BRCC3: variants seen among roughly 807,000 people sequenced by gnomAD.
BRCC3 encodes BRCA1/BRCA2-containing complex subunit 3.
Under a neutral mutation model 28.0 loss-of-function variants are expected in BRCC3, and 15 were observed. The ratio of observed to expected loss-of-function variants is 0.54; its 90% confidence interval spans 0.36 to 0.82. BRCC3 has a LOEUF of 0.82. Among genes scored for constraint, BRCC3 ranks in the 40% least tolerant of loss-of-function variants. The pLI is 0.01. For missense variants in BRCC3, 109 were observed against 225.9 expected (o/e 0.48, Z 3.32); for synonymous variants, 66 against 80.3 (o/e 0.82, Z 0.95).
chrX:155,090,767 C>CT lies in BRCC3; in HGVS notation c.493-11dup. 1 of 1,168,407 alleles carries CT rather than the reference C, an allele frequency of 8.6e-7. No homozygotes were observed. Among genetic ancestry groups the CT allele is most frequent in the African/African-American group, 1.8e-5 (1 of 56,787 alleles). On this transcript the variant is annotated splice_polypyrimidine_tract_variant and intron_variant, in intron 6 of 10. Transcript: ENST00000330045. ...TTCTTTGTGTGATATTTCTTTCTTT[C>CT]TTTTTTCCTTTGATAGACTGGCCGG...
chrX:155,085,711 C>T (rs2074118934), intron 5 of BRCC3, among the ~76,000 whole-genome samples: 1 of 112,295 alleles, frequency 8.9e-6, no homozygotes, highest in African/African-American at 3.2e-5. Flanking sequence ...AGGATAATGT[C>T]ACCAGAAAGT....
intron 7 of BRCC3, among the ~76,000 whole-genome samples, chrX:155,110,550 T>C (rs782308519): frequency 1.5e-4 from 17 of 110,543 alleles, no homozygotes; most frequent in African/African-American, 5.6e-4. Flanking sequence ...CTTACATTAG[T>C]AATTTTTGTG....
At chrX:155,084,508 A>G (rs1814186) in intron 5 of BRCC3, among the ~76,000 whole-genome samples, 38 of 111,630 alleles carry the variant, frequency 3.4e-4, no homozygotes, top group African/African-American at 1.0e-3. Flanking sequence ...GACTACAGGC[A>G]TCCGCCACCA....
chrX:155,073,842 A>T (rs1054108799), intron 3 of BRCC3, among the ~76,000 whole-genome samples: 2 of 111,274 alleles, frequency 1.8e-5, no homozygotes, highest in Non-Finnish European at 3.8e-5. Context: ...GTCTGCCTTG[A>T]CTTTTTTCCT....
At chrX:155,099,400 A>G (rs781786113) in intron 7 of BRCC3, 1 of 1,206,059 alleles carries the variant, frequency 8.3e-7, no homozygotes, top group Non-Finnish European at 1.1e-6. Flanking sequence ...GTAGGAGGGC[A>G]AAAAGGGGCC....
chrX:155,082,605 A>G (rs1326670827), intron 5 of BRCC3, among the ~76,000 whole-genome samples: 2 of 112,479 alleles, frequency 1.8e-5, no homozygotes, highest in Admixed American at 9.4e-5. Context: ...ATGTGCACAC[A>G]TGCTATTTGA....
chrX:155,110,538 T>A (rs1415713429), intron 7 of BRCC3, among the ~76,000 whole-genome samples: 1 of 110,657 alleles, frequency 9.0e-6, no homozygotes, highest in African/African-American at 3.3e-5. Flanking sequence ...CTTTTTTCAT[T>A]CCTTACATTA....
chrX:155,103,301 A>G (rs1468006485), intron 7 of BRCC3, among the ~76,000 whole-genome samples: 1 of 112,371 alleles, frequency 8.9e-6, no homozygotes, highest in Admixed American at 9.4e-5. Context: ...CTTTGTTTAC[A>G]TCTGGTATCA....
intron 7 of BRCC3, among the ~76,000 whole-genome samples, chrX:155,101,493 A>C (rs1054530824): frequency 8.9e-6 from 1 of 111,936 alleles, no homozygotes; most frequent in Non-Finnish European, 1.9e-5. Context: ...AACATTTACT[A>C]GTTGGTATTC....
chrX:155,092,735 T>C (rs1412733534), intron 7 of BRCC3, among the ~76,000 whole-genome samples: 1 of 111,178 alleles, frequency 9.0e-6, no homozygotes, highest in African/African-American at 3.3e-5. Context: ...TCTCTAGGCC[T>C]ACTGCACAGC....
intron 5 of BRCC3, among the ~76,000 whole-genome samples, chrX:155,081,286 T>C (rs1193898540): frequency 9.4e-6 from 1 of 105,947 alleles, no homozygotes; most frequent in Non-Finnish European, 1.9e-5. Flanking sequence ...GAGCTGAGAT[T>C]GTACCACTGC....
intron 7 of BRCC3, among the ~76,000 whole-genome samples, chrX:155,113,892 GAA>G (rs2124305645): frequency 1.8e-5 from 2 of 111,417 alleles, no homozygotes; most frequent in African/African-American, 6.5e-5. Flanking sequence ...AATTGTCAGA[GAA>G]ATGCAAATCA....
intron 7 of BRCC3, among the ~76,000 whole-genome samples, 192 bp from the exon 8 acceptor site, chrX:155,115,865 G>A (rs1400197383): frequency 1.8e-5 from 2 of 112,008 alleles, no homozygotes; most frequent in Non-Finnish European, 3.8e-5. Context: ...CTCTGCAGAC[G>A]GGCTTTTAGT....
chrX:155,075,275 G>A (rs1557293340), intron 3 of BRCC3, among the ~76,000 whole-genome samples: 14 of 111,384 alleles, frequency 1.3e-4, no homozygotes, highest in Non-Finnish European at 1.1e-4. Context: ...ATCTGATAAT[G>A]CTAAGCCCAC....
At chrX:155,112,845 C>G (rs990267592) in intron 7 of BRCC3, among the ~76,000 whole-genome samples, 15 of 111,704 alleles carry the variant, frequency 1.3e-4, no homozygotes, top group African/African-American at 4.9e-4. Flanking sequence ...TTTCCGTATA[C>G]TAACAATGAA....
At chrX:155,118,990 T>C (rs1390555073) in intron 9 of BRCC3, among the ~76,000 whole-genome samples, 2 of 111,617 alleles carry the variant, frequency 1.8e-5, no homozygotes, top group Admixed American at 9.5e-5. Context: ...AGGAAAAATA[T>C]AAGAATTTTT....
At chrX:155,100,238 G>A (rs1403630500) in intron 7 of BRCC3, among the ~76,000 whole-genome samples, 3 of 111,564 alleles carry the variant, frequency 2.7e-5, no homozygotes, top group Non-Finnish European at 3.8e-5. Context: ...CTGAAAGAAC[G>A]ACGACATTCT....
intron 3 of BRCC3, among the ~76,000 whole-genome samples, chrX:155,076,740 G>C (rs1040029345): frequency 1.2e-4 from 13 of 111,922 alleles, no homozygotes; most frequent in Non-Finnish European, 2.1e-4. Flanking sequence ...TGGGGACACA[G>C]AGCCCAGCCA....
intron 5 of BRCC3, among the ~76,000 whole-genome samples, chrX:155,079,376 A>G (rs2074068940): frequency 8.9e-6 from 1 of 111,852 alleles, no homozygotes; most frequent in Non-Finnish European, 1.9e-5. Flanking sequence ...CTGACTCCCA[A>G]GTCTGCTCTT....
Sources: gnomAD v4.1 joint callset for allele counts (sites outside exome capture counted in the v4.1 genomes callset) on GRCh38, gnomAD v4.1.1 for gene constraint, MANE v1.5 for transcripts, NCBI Gene and HGNC (gene_info 2026-07-23, HGNC 2026-07-21) for gene names.